Variants in MTFR1L observed in about 807,000 individuals in gnomAD.
The protein encoded by MTFR1L is mitochondrial fission regulator 1-like.
In MTFR1L, 10 loss-of-function variants were observed where a neutral mutation model predicts 27.9. The observed-to-expected ratio is 0.36, with a 90% confidence interval of 0.22 to 0.61. The LOEUF (loss-of-function observed/expected upper bound fraction) is 0.61. Ranked by LOEUF, MTFR1L falls within the 20% of genes least tolerant of loss-of-function variation. The pLI is 0.73. For missense variants in MTFR1L, 315 were observed against 363.7 expected, an observed-to-expected ratio of 0.87 and a Z score of 1.09; for synonymous variants, 151 against 139.4, an observed-to-expected ratio of 1.08 and a Z score of -0.58.
chr1:25,823,841 T>C, intron 3 of MTFR1L, 93 bp downstream of exon 3: 1 of 1,433,780 alleles, frequency 7.0e-7, no homozygotes, highest in Non-Finnish European at 9.4e-7. Flanking sequence ...GGTTGTTTCC[T>C]GGTCACTTTT....
chr1:25,829,639 G>C lies in MTFR1L; in HGVS notation c.582G>C (p.Glu194Asp), dbSNP rs1266900253. 1 of 1,614,100 alleles carries C rather than the reference G, an allele frequency of 6.2e-7. No homozygotes were observed. The highest frequency in any genetic ancestry group is 1.3e-5 in the African/African-American group (1 of 74,930). ...TTAGTGACATCACCGAGGAGACAGA[G>C]GTGGAGGTCCCTGAGCTTCCATCAG... ...FVISDITEET[E>D]VEVPELPSVP... Residue 194 changes from glutamate to aspartate, a missense_variant, in exon 6 of 7, where the codon GAG becomes GAC. By Grantham distance (45) the Glu-to-Asp change is conservative (BLOSUM62 2). Coordinates refer to ENST00000374303, the MANE Select transcript of MTFR1L (RefSeq NM_001099625.2).
intron 5 of MTFR1L, among the ~76,000 whole-genome samples, chr1:25,829,227 T>A (rs986016919): frequency 6.6e-6 from 1 of 152,178 alleles, no homozygotes; most frequent in Non-Finnish European, 1.5e-5. Flanking sequence ...CACAGCCTAT[T>A]GTGGAATGGG....
At chr1:25,823,535 G>A (rs928410428) in intron 2 of MTFR1L, 109 bp from the exon 3 acceptor site, 23 of 1,502,684 alleles carry the variant, frequency 1.5e-5, no homozygotes, top group Non-Finnish European at 2.0e-5. Context: ...AGAGTGCCCT[G>A]TCCCTAGGTT....
chr1:25,832,324 G>A lies in MTFR1L; in HGVS notation c.*298G>A, dbSNP rs2048256143. Reference sequence around the variant, plus strand: ...GTTTCTGGTTTTTCCTTGCCCCTGTGTGAAAATAGGTCCTAAATGACTGAC... The same window carrying A: ...GTTTCTGGTTTTTCCTTGCCCCTGTATGAAAATAGGTCCTAAATGACTGAC... On this transcript the variant is annotated 3_prime_UTR_variant, in exon 7 of 7. Coordinates refer to ENST00000374303, the MANE Select transcript of MTFR1L (RefSeq NM_001099625.2). The A allele has an allele frequency of 2.8e-6, 2 of 719,298 alleles. No individual in the cohort carries two copies. The highest frequency in any genetic ancestry group is 4.5e-6 in the Non-Finnish European group (2 of 440,056). The allele number at this position is 719,298 out of a possible 1,614,324, so 44.6% of individuals were successfully genotyped here.
Position 25,820,417 on chromosome 1 carries a change from C to T in MTFR1L, c.-87+388C>T, listed in dbSNP as rs757097749. The T allele has an allele frequency of 1.1e-4, 47 of 439,300 alleles. 2 individuals carry two copies. The highest frequency in any genetic ancestry group is 7.5e-4 in the South Asian group (47 of 63,046). The allele number at this position is 439,300 out of a possible 1,614,324, so 27.2% of individuals were successfully genotyped here. A position where few individuals can be genotyped will look rare whatever the true frequency, so the allele number is the denominator to read the frequency against. Reference sequence around the variant, plus strand: ...GCACTTGGCCGACCTTGGCCCAGGTCGGGTCGTCTGCCGCGGGGGAGGGGC... The same window carrying T: ...GCACTTGGCCGACCTTGGCCCAGGTTGGGTCGTCTGCCGCGGGGGAGGGGC... On this transcript the variant is annotated intron_variant, in intron 1 of 6. Transcript: ENST00000374303.
At chr1:25,820,120 CCCGCAGCTCCTGTTCCCG>C (rs2048066171) in intron 1 of MTFR1L, 91 bp downstream of exon 1, 1 of 444,756 alleles carries the variant, frequency 2.2e-6, no homozygotes, top group African/African-American at 2.1e-5. Context: ...CTGTGCGGAG[CCCGCAGCTCCTGTTCCCG>C]CGCGAGTTCT....
intron 6 of MTFR1L, 29 bp downstream of exon 6, chr1:25,829,859 C>G: frequency 6.4e-7 from 1 of 1,556,502 alleles, no homozygotes. Flanking sequence ...GCTCTGGTAT[C>G]TATTTACTCA....
chr1:25,829,128 TC>T (rs1304411148), intron 5 of MTFR1L, among the ~76,000 whole-genome samples: 1 of 152,196 alleles, frequency 6.6e-6, no homozygotes, highest in Non-Finnish European at 1.5e-5. Context: ...AGGAGCATAG[TC>T]AAAAGCACTA....
intron 5 of MTFR1L, 117 bp from the exon 6 acceptor site, chr1:25,829,392 G>A (rs1003988261): frequency 4.3e-6 from 4 of 931,164 alleles, no homozygotes; most frequent in Non-Finnish European, 6.6e-6. Flanking sequence ...GGCTCTCCCA[G>A]ATTGTCATGG....
chr1:25,820,451 C>T (rs2048072014), intron 1 of MTFR1L: 2 of 392,334 alleles, frequency 5.1e-6, no homozygotes, highest in African/African-American at 2.2e-5. Flanking sequence ...GCGACTCGCC[C>T]TGGCGGGTCC....
At chr1:25,823,772 G>A in intron 3 of MTFR1L, 24 bp downstream of exon 3, 1 of 1,612,002 alleles carries the variant, frequency 6.2e-7, no homozygotes, top group Non-Finnish European at 8.5e-7. Flanking sequence ...AAGGGCAGGA[G>A]AGTAGAGGCT....
rs1295861902 is a variant in MTFR1L, at chr1:25,826,926, A to T, written c.451+100A>T. 1 of 1,345,290 alleles carries T rather than the reference A, an allele frequency of 7.4e-7. No homozygotes were observed. The highest frequency in any genetic ancestry group is 1.5e-5 in the African/African-American group (1 of 68,856). The allele number at this position is 1,345,290 out of a possible 1,614,324, so 83.3% of individuals were successfully genotyped here. A position where few individuals can be genotyped will look rare whatever the true frequency, so the allele number is the denominator to read the frequency against. On this transcript the variant is annotated intron_variant, in intron 5 of 6. Coordinates refer to ENST00000374303, the MANE Select transcript of MTFR1L (RefSeq NM_001099625.2). This position sits in a 1 kb window ranked among gnomAD's most constrained non-coding sequence, Gnocchi z 4.1. ...AAGAAAGTGGTAATCCTTGGTTTGCAGGTACTTAGGTTCCGGGCCCTGGGG... is the reference window on the plus strand; with the variant it reads ...AAGAAAGTGGTAATCCTTGGTTTGCTGGTACTTAGGTTCCGGGCCCTGGGG...
At chr1:25,830,675 T>A (rs1410576905) in intron 6 of MTFR1L, among the ~76,000 whole-genome samples, 3 of 152,224 alleles carry the variant, frequency 2.0e-5, no homozygotes, top group Admixed American at 6.5e-5. Context: ...TTAATGCAGA[T>A]GAAAAACTGT....
Position 25,832,225 on chromosome 1 carries a change from A to G in MTFR1L, c.*199A>G. 3.4e-6 allele frequency: 5 copies of G among 1,457,292 alleles called. No homozygotes were observed. Among genetic ancestry groups the G allele is most frequent in the Admixed American group, 2.0e-5 (1 of 50,482 alleles). The allele number at this position is 1,457,292 out of a possible 1,614,324, so 90.3% of individuals were successfully genotyped here. ...ACCCTAGCAGAAGCTAAGGCTTGTG[A>G]TTTGACCTGAGACATTTGTTTCAGG... On this transcript the variant is annotated 3_prime_UTR_variant, in exon 7 of 7. Coordinates refer to ENST00000374303, the MANE Select transcript of MTFR1L (RefSeq NM_001099625.2).
At chr1:25,820,551 G>A in intron 1 of MTFR1L, 1 of 359,664 alleles carries the variant, frequency 2.8e-6, no homozygotes, top group Non-Finnish European at 5.3e-6. Flanking sequence ...GGGCCCCCGG[G>A]ACCAGGGGTG....
In MTFR1L at chr1:25,832,265, G is replaced by GA; in HGVS notation, c.*241dup. The GA allele has an allele frequency of 8.1e-7, 1 of 1,229,930 alleles. No homozygotes were observed. The highest frequency in any genetic ancestry group is 1.1e-6 in the Non-Finnish European group (1 of 879,012). 76.2% of individuals were successfully genotyped at this position (1,229,930 alleles called of 1,614,324 possible). On this transcript the variant is annotated 3_prime_UTR_variant, in exon 7 of 7. Transcript: ENST00000374303. ...TTTGTTTCAGGTAATCGTGTAGAAT[G>GA]AAGTATCTTAGTTTAAAGGGTAAGA...
chr1:25,832,287 AAG>A lies in MTFR1L; in HGVS notation c.*267_*268del. 9.4e-7 allele frequency: 1 copy of A among 1,058,690 alleles called. No individual in the cohort carries two copies. The highest frequency in any genetic ancestry group is 1.5e-5 in the South Asian group (1 of 64,884). 65.6% of individuals were successfully genotyped at this position (1,058,690 alleles called of 1,614,324 possible). A position where few individuals can be genotyped will look rare whatever the true frequency, so the allele number is the denominator to read the frequency against. On this transcript the variant is annotated 3_prime_UTR_variant, in exon 7 of 7. Coordinates refer to ENST00000374303, the MANE Select transcript of MTFR1L (RefSeq NM_001099625.2). ...AATGAAGTATCTTAGTTTAAAGGGT[AAG>A]AGAGAAGTTGTTTCTGGTTTTTCCT...
Position 25,823,607 on chromosome 1 carries a change from C to T in MTFR1L, c.25-37C>T, listed in dbSNP as rs200706432. ...GACAAGGACAGTAGTTGGATTCATT[C>T]TCTGGGGTTGTAGCTGTCTCCGTCT... On this transcript the variant is annotated intron_variant, in intron 2 of 6. Transcript: ENST00000374303. 2.0e-4 allele frequency: 315 copies of T among 1,607,318 alleles called. 2 individuals carry two copies. In the Admixed American group the frequency reaches 2.9e-3, roughly 15 times the overall value.
At chr1:25,824,282 G>A (rs959677197) in intron 3 of MTFR1L, among the ~76,000 whole-genome samples, 81 of 152,160 alleles carry the variant, frequency 5.3e-4, no homozygotes, top group African/African-American at 1.9e-3. Context: ...TGTGTCTAGG[G>A]ATCCTTTAGC....
Sources: gnomAD v4.1 joint callset for allele counts (sites outside exome capture counted in the v4.1 genomes callset) on GRCh38, gnomAD v4.1.1 for gene constraint, Gnocchi (gnomAD v3.1) non-coding constraint, MANE v1.5 for transcripts, NCBI Gene and HGNC (gene_info 2026-07-23, HGNC 2026-07-21) for gene names.